The following AFG2A variants were observed in gnomAD, a reference collection of about 807,000 sequenced individuals.
AFG2A encodes the protein AAA ATPase AFG2A.
chr4:123,149,235 C>G, the AFG2A span, among the ~76,000 whole-genome samples: 1 of 152,076 alleles, frequency 6.6e-6, no homozygotes, highest in Non-Finnish European at 1.5e-5. Context: ...TAAGATGAGT[C>G]TTTGCTGCAA....
At chr4:122,994,705 C>T in the AFG2A span, among the ~76,000 whole-genome samples, 12 of 151,308 alleles carry the variant, frequency 7.9e-5, no homozygotes, top group East Asian at 1.9e-4. Context: ...TTCTTGTGAA[C>T]GCAGTTTTGT....
the AFG2A span, among the ~76,000 whole-genome samples, chr4:123,042,630 T>C: frequency 6.6e-6 from 1 of 152,204 alleles, no homozygotes; most frequent in Non-Finnish European, 1.5e-5. Flanking sequence ...CTTTTCCCTT[T>C]TCTCCTCTTT....
the AFG2A span, among the ~76,000 whole-genome samples, chr4:123,160,338 CT>C: frequency 6.6e-6 from 1 of 152,180 alleles, no homozygotes; most frequent in African/African-American, 2.4e-5. Context: ...AGACACACCT[CT>C]TCCTGAAAAC....
the AFG2A span, chr4:123,057,329 G>T: frequency 6.5e-7 from 1 of 1,534,360 alleles, no homozygotes; most frequent in Non-Finnish European, 9.0e-7. Context: ...ATAATAATAT[G>T]ATGTTACATA....
At chr4:122,943,421 G>C in the AFG2A span, among the ~76,000 whole-genome samples, 1 of 152,058 alleles carries the variant, frequency 6.6e-6, no homozygotes, top group South Asian at 2.1e-4. Flanking sequence ...ATCTTTGTTG[G>C]TTTAAAGTCT....
At chr4:123,083,634 T>C in the AFG2A span, among the ~76,000 whole-genome samples, 1 of 150,734 alleles carries the variant, frequency 6.6e-6, no homozygotes. Context: ...AGTGGCACAA[T>C]CATAGCTCAC....
At chr4:123,231,505 C>A in the AFG2A span, among the ~76,000 whole-genome samples, 1 of 151,974 alleles carries the variant, frequency 6.6e-6, no homozygotes, top group African/African-American at 2.4e-5. Context: ...ATCTTTTATC[C>A]AGATCACTCG....
At chr4:123,015,814 A>ACC in the AFG2A span, among the ~76,000 whole-genome samples, 1 of 50,972 alleles carries the variant, frequency 2.0e-5, no homozygotes, top group South Asian at 8.3e-4. Context: ...TGGGGGGCTG[A>ACC]CCCCCCCACC....
At chr4:122,938,411 AG>A in the AFG2A span, among the ~76,000 whole-genome samples, 1 of 152,248 alleles carries the variant, frequency 6.6e-6, no homozygotes. Flanking sequence ...AATTTGCTTT[AG>A]TAGATTACTT....
At chr4:122,943,388 A>C in the AFG2A span, among the ~76,000 whole-genome samples, 1 of 152,198 alleles carries the variant, frequency 6.6e-6, no homozygotes, top group Non-Finnish European at 1.5e-5. Flanking sequence ...ACCATTATGT[A>C]ATGGCCTTCT....
At chr4:123,058,222 C>T in the AFG2A span, among the ~76,000 whole-genome samples, 5 of 152,154 alleles carry the variant, frequency 3.3e-5, no homozygotes, top group African/African-American at 4.8e-5. Context: ...ACTCACAGTT[C>T]CACGTGGCTA....
the AFG2A span, among the ~76,000 whole-genome samples, chr4:123,048,645 T>C: frequency 1.4e-4 from 22 of 152,186 alleles, no homozygotes; most frequent in Non-Finnish European, 2.6e-4. Context: ...GTAAGTGGAA[T>C]TGCTTTCTTG....
chr4:123,198,413 G>A, the AFG2A span, among the ~76,000 whole-genome samples: 1,985 of 152,244 alleles, frequency 0.013, 15 homozygotes, highest in African/African-American at 0.019. Context: ...AAATTCGTAT[G>A]CATTTGTCTT....
the AFG2A span, among the ~76,000 whole-genome samples, chr4:123,144,452 A>T: frequency 6.6e-6 from 1 of 152,038 alleles, no homozygotes; most frequent in African/African-American, 2.4e-5. Flanking sequence ...AGCTCAGATT[A>T]TAGTTTGATC....
the AFG2A span, among the ~76,000 whole-genome samples, chr4:123,149,283 T>G: frequency 6.6e-6 from 1 of 152,108 alleles, no homozygotes; most frequent in Non-Finnish European, 1.5e-5. Flanking sequence ...TAAAACCATC[T>G]AATTCATAAA....
At chr4:123,087,255 CT>C in the AFG2A span, among the ~76,000 whole-genome samples, 1 of 152,030 alleles carries the variant, frequency 6.6e-6, no homozygotes, top group Non-Finnish European at 1.5e-5. Context: ...AGGTCTGAGT[CT>C]TTTAGTGAGT....
the AFG2A span, chr4:123,057,321 A>ACTTCTT: frequency 6.4e-7 from 1 of 1,563,308 alleles, no homozygotes; most frequent in Non-Finnish European, 8.8e-7. Flanking sequence ...GCTATTACAT[A>ACTTCTT]ATAATATGAT....
At chr4:123,247,220 C>CGTGTGT in the AFG2A span, among the ~76,000 whole-genome samples, 6 of 93,828 alleles carry the variant, frequency 6.4e-5, no homozygotes, top group Admixed American at 4.1e-4. Flanking sequence ...TGCTTACTTG[C>CGTGTGT]GTGCGTGTGT....
the AFG2A span, among the ~76,000 whole-genome samples, chr4:123,084,087 T>G: frequency 6.6e-6 from 1 of 152,114 alleles, no homozygotes; most frequent in Non-Finnish European, 1.5e-5. Flanking sequence ...TATCAAATTT[T>G]GGGCCATAGG....
Sources: gnomAD v4.1 joint callset for allele counts (sites outside exome capture counted in the v4.1 genomes callset) on GRCh38, gnomAD v4.1.1 for gene constraint, MANE v1.5 for transcripts, NCBI Gene and HGNC (gene_info 2026-07-23, HGNC 2026-07-21) for gene names.